Variants in DYM observed in about 807,000 individuals in gnomAD.
The protein encoded by DYM is dyggve-Melchior-Clausen syndrome protein.
Under a neutral mutation model 93.1 loss-of-function variants are expected in DYM, and 78 were observed. The observed-to-expected ratio is 0.84, with a 90% CI of 0.70 to 1.01. The LOEUF (loss-of-function observed/expected upper bound fraction) is 1.01, where lower values mean the gene tolerates loss of function less well. Ranked by LOEUF, DYM falls within the 50% of genes least tolerant of loss-of-function variation. The pLI is 0.00. For synonymous variants in DYM, 321 were observed against 319.7 expected (o/e 1.00, Z -0.04); for missense variants, 789 against 845.0 (o/e 0.93, Z 0.82).
intron 17 of DYM, among the ~76,000 whole-genome samples, chr18:49,062,083 A>G (rs1346949844): frequency 6.6e-6 from 1 of 152,204 alleles, no homozygotes; most frequent in East Asian, 1.9e-4. Context: ...TCCAGGCCTG[A>G]TAGCCTCATA....
intron 17 of DYM, among the ~76,000 whole-genome samples, chr18:49,045,670 T>C (rs1161511536): frequency 5.9e-5 from 9 of 151,396 alleles, no homozygotes; most frequent in African/African-American, 2.2e-4. Context: ...AAACCAATAA[T>C]AACAGGGCAG....
chr18:49,079,974 G>T (rs1012115522), intron 17 of DYM, among the ~76,000 whole-genome samples: 3 of 150,718 alleles, frequency 2.0e-5, no homozygotes, highest in Non-Finnish European at 4.4e-5. Context: ...CTTCCCAGTA[G>T]GGGCGGCCGG....
intron 13 of DYM, among the ~76,000 whole-genome samples, chr18:49,226,863 C>T (rs962340959): frequency 3.9e-5 from 6 of 152,070 alleles, no homozygotes; most frequent in African/African-American, 1.2e-4. Flanking sequence ...ACCTAAAGCA[C>T]ATGCTCATTA....
rs2070974606 is a variant in DYM, at chr18:49,042,184, C to T, written c.*1871G>A. On this transcript the variant is annotated 3_prime_UTR_variant, in exon 18 of 18. Coordinates refer to ENST00000675505, the MANE Select transcript of DYM (RefSeq NM_001353214.3). ...ATTAGTAGAAGTTGTTGCCAAGCCT[C>T]ACCTCTAGCCTGTACATGGGCTCTG... 1 of 152,954 alleles carries T rather than the reference C, an allele frequency of 6.5e-6. No individual in the cohort carries two copies. The highest frequency in any genetic ancestry group is 6.5e-5 in the Admixed American group (1 of 15,282). 9.5% of individuals were successfully genotyped at this position (152,954 alleles called of 1,614,324 possible).
At chr18:49,206,611 A>T (rs996999188) in intron 14 of DYM, 1 of 152,258 alleles carries the variant, frequency 6.6e-6, no homozygotes, top group Admixed American at 6.5e-5. Flanking sequence ...TGTCCTGAAT[A>T]GAACAGTGTC....
intron 14 of DYM, among the ~76,000 whole-genome samples, chr18:49,206,890 G>A (rs1817335541): frequency 6.6e-6 from 1 of 152,200 alleles, no homozygotes; most frequent in South Asian, 2.1e-4. Context: ...TCCAGGAAAG[G>A]TGTTGAAAGA....
chr18:49,244,233 G>C (rs1568090793), intron 13 of DYM, among the ~76,000 whole-genome samples: 1 of 152,102 alleles, frequency 6.6e-6, no homozygotes, highest in Non-Finnish European at 1.5e-5. Context: ...CACTTAACTG[G>C]TTCTCCGCTG....
intron 2 of DYM, among the ~76,000 whole-genome samples, chr18:49,408,795 T>C (rs76977082): frequency 0.095 from 14,495 of 152,214 alleles, 894 homozygotes; most frequent in East Asian, 0.31. Flanking sequence ...ATTCTTTAGC[T>C]GTCCCAGGCA....
At chr18:49,198,922 T>C (rs1056633154) in intron 14 of DYM, among the ~76,000 whole-genome samples, 2 of 151,944 alleles carry the variant, frequency 1.3e-5, no homozygotes, top group Middle Eastern at 3.4e-3. Flanking sequence ...TAAAGACACA[T>C]GCACACGTAT....
At chr18:49,302,511 A>G (rs1404643457) in intron 8 of DYM, among the ~76,000 whole-genome samples, 1 of 152,214 alleles carries the variant, frequency 6.6e-6, no homozygotes, top group East Asian at 1.9e-4. Flanking sequence ...AAATCAATTA[A>G]CCTAAATCAG....
At chr18:49,125,022 G>C (rs2082680851) in intron 15 of DYM, among the ~76,000 whole-genome samples, 1 of 152,214 alleles carries the variant, frequency 6.6e-6, no homozygotes, top group Non-Finnish European at 1.5e-5. Context: ...CACTTTGGGA[G>C]GCTGAGGCAG....
chr18:49,387,431 C>T (rs1157541659), intron 3 of DYM, among the ~76,000 whole-genome samples: 1 of 152,014 alleles, frequency 6.6e-6, no homozygotes, highest in African/African-American at 2.4e-5. Flanking sequence ...CAACTGCCAT[C>T]ATGCCCAGTT....
intron 1 of DYM, among the ~76,000 whole-genome samples, chr18:49,436,182 T>G (rs1033513366): frequency 6.6e-6 from 1 of 152,018 alleles, no homozygotes; most frequent in African/African-American, 2.4e-5. Context: ...CCTGCTAACT[T>G]TTTTAAATTT....
At chr18:49,313,060 A>G (rs1429293905) in intron 8 of DYM, among the ~76,000 whole-genome samples, 2 of 152,210 alleles carry the variant, frequency 1.3e-5, no homozygotes, top group African/African-American at 2.4e-5. Flanking sequence ...GCTAGGTTAA[A>G]TAAGTCCGAG....
At chr18:49,395,278 CAA>C (rs201097965) in intron 2 of DYM, among the ~76,000 whole-genome samples, 1 of 145,802 alleles carries the variant, frequency 6.9e-6, no homozygotes. Flanking sequence ...AACTCAATGG[CAA>C]AAAAAAAAAT....
intron 17 of DYM, among the ~76,000 whole-genome samples, chr18:49,077,087 A>G (rs2077369386): frequency 6.6e-6 from 1 of 152,246 alleles, no homozygotes; most frequent in African/African-American, 2.4e-5. Flanking sequence ...TTGTTAGATG[A>G]AAATGACCAA....
At chr18:49,224,349 A>C (rs1463764023) in intron 13 of DYM, among the ~76,000 whole-genome samples, 1 of 152,126 alleles carries the variant, frequency 6.6e-6, no homozygotes, top group Non-Finnish European at 1.5e-5. Flanking sequence ...CTGAAGCCAG[A>C]GGATAGGGCT....
chr18:49,317,276 T>C (rs764369040), intron 8 of DYM, among the ~76,000 whole-genome samples: 3 of 152,156 alleles, frequency 2.0e-5, no homozygotes, highest in Non-Finnish European at 4.4e-5. Flanking sequence ...GATACAACCA[T>C]AAAGAGAATG....
chr18:49,288,934 A>G (rs1475365179), intron 8 of DYM, among the ~76,000 whole-genome samples: 4 of 152,220 alleles, frequency 2.6e-5, no homozygotes, highest in East Asian at 1.9e-4. Context: ...AAAAAAATAC[A>G]TAAGAAAACA....
Sources: allele counts gnomAD v4.1 joint callset (sites outside exome capture counted in the v4.1 genomes callset), GRCh38; gene constraint gnomAD v4.1.1; transcripts MANE v1.5; gene names NCBI Gene and HGNC (gene_info 2026-07-23, HGNC 2026-07-21).